ANO2: variants seen among roughly 807,000 people sequenced by gnomAD.
The protein encoded by ANO2 is anoctamin 2.
A neutral mutation model predicts 124.2 loss-of-function variants in ANO2; 101 were observed. That is an observed-to-expected ratio of 0.81 (90% CI 0.69 to 0.96). The LOEUF is 0.96. ANO2 is among the 40% of genes least tolerant of loss of function. ANO2 has a pLI of 0.00. For missense variants in ANO2, 1,293 were observed against 1,274.5 expected (o/e 1.01, Z -0.22); for synonymous variants, 486 against 482.5 (o/e 1.01, Z -0.09).
chr12:5,774,787 T>C (rs1334118987), intron 10 of ANO2, among the ~76,000 whole-genome samples: 1 of 152,152 alleles, frequency 6.6e-6, no homozygotes, highest in African/African-American at 2.4e-5. Context: ...GGTTCATCCA[T>C]GTGAAATTTC....
chr12:5,879,124 G>A (rs1938311450), intron 3 of ANO2, among the ~76,000 whole-genome samples: 1 of 152,128 alleles, frequency 6.6e-6, no homozygotes, highest in South Asian at 2.1e-4. Context: ...CTGCTCCCCA[G>A]GTATAAGGAT....
chr12:5,854,935 C>CTT (rs10650160), intron 3 of ANO2, among the ~76,000 whole-genome samples: 23,022 of 145,980 alleles, frequency 0.16, 2,333 homozygotes, highest in African/African-American at 0.28. Flanking sequence ...TAAACATTCA[C>CTT]TTTTTTTTTT....
chr12:5,702,000 A>G (rs1949422434), intron 14 of ANO2, among the ~76,000 whole-genome samples: 1 of 152,252 alleles, frequency 6.6e-6, no homozygotes, highest in African/African-American at 2.4e-5. Flanking sequence ...CAACCGAATT[A>G]AAATATTCCT....
chr12:5,732,849 C>G (rs1176895963), intron 13 of ANO2: 1 of 1,613,960 alleles, frequency 6.2e-7, no homozygotes, highest in Non-Finnish European at 8.5e-7. Context: ...CACTCGTTAT[C>G]ACACTGAAAA....
intron 19 of ANO2, among the ~76,000 whole-genome samples, chr12:5,605,273 T>C (rs1944162321): frequency 1.3e-5 from 2 of 152,220 alleles, no homozygotes; most frequent in South Asian, 4.1e-4. Context: ...CCACTGTATT[T>C]GAGGAGAACA....
At chr12:5,633,730 C>T (rs1324847282) in intron 16 of ANO2, among the ~76,000 whole-genome samples, 5 of 152,194 alleles carry the variant, frequency 3.3e-5, no homozygotes, top group Admixed American at 1.3e-4. Flanking sequence ...CTCCCGTACG[C>T]TGAGCTCAGC....
At chr12:5,811,122 T>C (rs544375006) in intron 7 of ANO2, among the ~76,000 whole-genome samples, 15 of 152,258 alleles carry the variant, frequency 9.9e-5, no homozygotes, top group Admixed American at 9.8e-4. Context: ...CAGGCCAAAC[T>C]CAAAGGAAAC....
At chr12:5,745,948 G>C (rs1951254552) in intron 11 of ANO2, among the ~76,000 whole-genome samples, 1 of 152,146 alleles carries the variant, frequency 6.6e-6, no homozygotes, top group African/African-American at 2.4e-5. Context: ...TTTTCAGAGA[G>C]GAAAGTACCC....
intron 20 of ANO2, among the ~76,000 whole-genome samples, chr12:5,590,212 G>A (rs1361137329): frequency 6.6e-6 from 1 of 151,778 alleles, no homozygotes; most frequent in Non-Finnish European, 1.5e-5. Flanking sequence ...AACATTATGA[G>A]ATTTTTTTTT....
chr12:5,614,738 C>T (rs1010901487), intron 17 of ANO2, among the ~76,000 whole-genome samples: 1 of 152,144 alleles, frequency 6.6e-6, no homozygotes, highest in Non-Finnish European at 1.5e-5. Flanking sequence ...TCATAACTGC[C>T]GGTGGCCTGA....
chr12:5,699,328 T>C (rs559069353), intron 14 of ANO2, among the ~76,000 whole-genome samples: 1 of 152,304 alleles, frequency 6.6e-6, no homozygotes, highest in South Asian at 2.1e-4. Flanking sequence ...CAGAATTTCA[T>C]ATCCAGCCAA....
At chr12:5,901,164 G>A (rs932413330) in intron 3 of ANO2, among the ~76,000 whole-genome samples, 1 of 152,218 alleles carries the variant, frequency 6.6e-6, no homozygotes, top group African/African-American at 2.4e-5. Flanking sequence ...ACAATGAGCA[G>A]ATTCAACCTG....
intron 15 of ANO2, among the ~76,000 whole-genome samples, chr12:5,645,497 CAAT>C (rs775267413): frequency 1.7e-4 from 26 of 151,944 alleles, no homozygotes; most frequent in Middle Eastern, 3.4e-3. Context: ...ATATATATAA[CAAT>C]AATATTTTTG....
intron 10 of ANO2, among the ~76,000 whole-genome samples, chr12:5,773,748 G>C (rs1952149575): frequency 6.6e-6 from 1 of 152,184 alleles, no homozygotes; most frequent in Non-Finnish European, 1.5e-5. Context: ...GCAGGAATGA[G>C]AAAGAGGCAC....
upstream of ANO2, chr12:5,945,379 C>G (rs997676673): frequency 1.4e-6 from 1 of 704,608 alleles, no homozygotes; most frequent in Non-Finnish European, 1.8e-6. Context: ...CGGCGCCGCG[C>G]AGCCACAGCC....
At chr12:5,786,297 A>G (rs1952537587) in intron 10 of ANO2, among the ~76,000 whole-genome samples, 1 of 152,136 alleles carries the variant, frequency 6.6e-6, no homozygotes, top group African/African-American at 2.4e-5. Context: ...TTTTTAGGTG[A>G]GGAAGGTGAT....
rs1181833080 is a variant in ANO2, at chr12:5,575,683, A to T, written c.2621+151T>A. 8.0e-6 allele frequency: 7 copies of T among 877,084 alleles called. No individual in the cohort carries two copies. In the African/African-American group the frequency reaches 8.5e-5, roughly 11 times the overall value. The allele number at this position is 877,084 out of a possible 1,614,324, so 54.3% of individuals were successfully genotyped here. A position where few individuals can be genotyped will look rare whatever the true frequency, so the allele number is the denominator to read the frequency against. ...AGATGTATGGTAAAAATATGGTATTATAATCTTACGGGACAATCGCCATAT... is the reference window on the plus strand; with the variant it reads ...AGATGTATGGTAAAAATATGGTATTTTAATCTTACGGGACAATCGCCATAT... On this transcript the variant is annotated intron_variant, in intron 23 of 24. Coordinates refer to ENST00000682330, the MANE Select transcript of ANO2 (RefSeq NM_001364791.2).
At position 5,659,109 on chromosome 12, in the gene ANO2, G is replaced by A. The variant is rs867619403; in HGVS notation, c.1546-11308C>T. Among the ~76,000 whole-genome samples, 9 of 152,144 alleles carry A rather than the reference G, an allele frequency of 5.9e-5. No individual in the cohort carries two copies. In the East Asian group the frequency reaches 9.7e-4, roughly 16 times the overall value. On this transcript the variant is annotated intron_variant, in intron 14 of 24. Transcript: ENST00000682330. ...CTGTCCCCTCAGACCCAAGCTGCTCGATGCTCTCTCTCTCTGCTGGGTGAG... is the reference window on the plus strand; with the variant it reads ...CTGTCCCCTCAGACCCAAGCTGCTCAATGCTCTCTCTCTCTGCTGGGTGAG...
chr12:5,922,089 AAGAC>A (rs1354489963), intron 2 of ANO2, among the ~76,000 whole-genome samples: 2 of 152,058 alleles, frequency 1.3e-5, no homozygotes, highest in African/African-American at 2.4e-5. Flanking sequence ...GGCCCTTTCA[AAGAC>A]AGCAGCAGGG....
Sources: gnomAD v4.1 joint callset for allele counts (sites outside exome capture counted in the v4.1 genomes callset) on GRCh38, gnomAD v4.1.1 for gene constraint, MANE v1.5 for transcripts, NCBI Gene and HGNC (gene_info 2026-07-23, HGNC 2026-07-21) for gene names.